IMPG1: variants seen among roughly 807,000 people sequenced by gnomAD.
The protein encoded by IMPG1 is interphotoreceptor matrix proteoglycan of 150 kDa.
In IMPG1, 85 loss-of-function variants were observed where a neutral mutation model predicts 92.0. The observed-to-expected ratio is 0.92, with a 90% CI of 0.78 to 1.11. The LOEUF (loss-of-function observed/expected upper bound fraction) is 1.11, where lower values mean the gene tolerates loss of function less well. Ranked by LOEUF, IMPG1 falls within the 50% of genes least tolerant of loss-of-function variation. IMPG1 has a pLI of 0.00. For missense variants in IMPG1, 1,022 were observed against 956.0 expected (o/e 1.07, Z -0.91); for synonymous variants, 367 against 334.1 (o/e 1.10, Z -1.08).
At chr6:75,961,773 C>G (rs1782215436) in intron 12 of IMPG1, among the ~76,000 whole-genome samples, 1 of 152,192 alleles carries the variant, frequency 6.6e-6, no homozygotes, top group East Asian at 1.9e-4. Flanking sequence ...GAGCAGCTAG[C>G]TGGGAGAACA....
intron 2 of IMPG1, 56 bp downstream of exon 2, chr6:76,041,837 T>C (rs1210439015): frequency 5.1e-6 from 6 of 1,178,368 alleles, no homozygotes; most frequent in South Asian, 5.0e-5. Flanking sequence ...TATGGATGAA[T>C]GAAAGGGAAG....
chr6:76,053,269 C>G (rs1021947596), intron 1 of IMPG1, among the ~76,000 whole-genome samples: 1 of 152,176 alleles, frequency 6.6e-6, no homozygotes, highest in Non-Finnish European at 1.5e-5. Context: ...GTGAGCAACA[C>G]TATGCTTTCC....
At chr6:76,029,620 A>G (rs570265253) in intron 4 of IMPG1, among the ~76,000 whole-genome samples, 1 of 152,290 alleles carries the variant, frequency 6.6e-6, no homozygotes, top group South Asian at 2.1e-4. Flanking sequence ...AACAAGAGGG[A>G]TGGGTAATGT....
intron 14 of IMPG1, among the ~76,000 whole-genome samples, chr6:75,945,412 G>A (rs1196271845): frequency 1.3e-5 from 2 of 149,974 alleles, no homozygotes; most frequent in African/African-American, 2.5e-5. Flanking sequence ...TGCAGTGGGG[G>A]CAATTTTATC....
rs145955265 is a variant in IMPG1 at position 75,947,352 on chromosome 6, T to C, written c.2006A>G (p.His669Arg). Reference protein sequence around the residue: ...DFRSAAAQQLHLEIDSYSLNI... With the variant: ...DFRSAAAQQLRLEIDSYSLNI... Reference sequence around the variant, plus strand: ...GAGAGAGTAGCTGTCTATTTCCAGATGGAGTTGTTGGGCTGCAGCAGAACG... The same window carrying C: ...GAGAGAGTAGCTGTCTATTTCCAGACGGAGTTGTTGGGCTGCAGCAGAACG... The change falls in exon 14 of 17, where the codon CAT becomes CGT. Residue 669 changes from histidine (H) to arginine (R), a missense_variant. His to Arg is a conservative substitution (Grantham distance 29). Around this residue, in one of 3 missense-constraint regions of IMPG1, gnomAD observed 332 missense variants for 346.2 expected, o/e 0.96. Coordinates refer to ENST00000369950, the MANE Select transcript of IMPG1 (RefSeq NM_001563.4). 6.2e-7 allele frequency: 1 copy of C among 1,613,840 alleles called. No individual in the cohort carries two copies. Among genetic ancestry groups the C allele is most frequent in the Non-Finnish European group, 8.5e-7 (1 of 1,179,890 alleles).
intron 12 of IMPG1, among the ~76,000 whole-genome samples, chr6:75,962,741 G>C (rs1299209196): frequency 6.6e-6 from 1 of 152,122 alleles, no homozygotes; most frequent in East Asian, 1.9e-4. Flanking sequence ...AAAACTAAGT[G>C]AATAATAATA....
chr6:75,989,956 G>A (rs1328314971), intron 12 of IMPG1, among the ~76,000 whole-genome samples: 1 of 152,094 alleles, frequency 6.6e-6, no homozygotes, highest in Non-Finnish European at 1.5e-5. Flanking sequence ...GTAGTAATAA[G>A]TTTACTATAT....
Position 75,992,040 on chromosome 6 carries a change from G to A in IMPG1, c.1291+10878C>T, listed in dbSNP as rs551144354. On this transcript the variant is annotated intron_variant, in intron 12 of 16. Coordinates refer to ENST00000369950, the MANE Select transcript of IMPG1 (RefSeq NM_001563.4). The stretch of plus-strand genomic sequence containing the variant: ...TAACATTTAAATCAGTGGACTCTGA[G>A]TAAAGCAGATTACCCTACATAGTGT... Among the ~76,000 whole-genome samples the A allele has an allele frequency of 3.3e-5, 5 of 152,310 alleles. No individual in the cohort carries two copies. The East Asian group carries it at 9.6e-4, about 29-fold the overall frequency.
chr6:75,954,928 T>C (rs923887046), intron 12 of IMPG1, among the ~76,000 whole-genome samples: 3 of 152,198 alleles, frequency 2.0e-5, no homozygotes, highest in African/African-American at 7.2e-5. Context: ...ATTGTAGATG[T>C]GTGGCATTAT....
chr6:76,006,797 C>T (rs1783106905), intron 9 of IMPG1, among the ~76,000 whole-genome samples: 1 of 151,928 alleles, frequency 6.6e-6, no homozygotes, highest in Non-Finnish European at 1.5e-5. Flanking sequence ...AGCTTTTTTG[C>T]ATGCAAAAAT....
intron 6 of IMPG1, among the ~76,000 whole-genome samples, chr6:76,021,737 A>C (rs1413879570): frequency 7.7e-6 from 1 of 129,750 alleles, no homozygotes; most frequent in East Asian, 2.4e-4. Flanking sequence ...AAAGAGCTTC[A>C]TGATTGATTG....
chr6:76,040,276 T>C (rs1582124006), intron 2 of IMPG1, among the ~76,000 whole-genome samples: 1 of 152,186 alleles, frequency 6.6e-6, no homozygotes, highest in African/African-American at 2.4e-5. Flanking sequence ...AAAAATTTTG[T>C]TGCAGCAATA....
At chr6:75,994,844 T>C (rs2149474361) in intron 12 of IMPG1, among the ~76,000 whole-genome samples, 1 of 152,252 alleles carries the variant, frequency 6.6e-6, no homozygotes, top group South Asian at 2.1e-4. Flanking sequence ...GGATGTGAGC[T>C]AACAAAAAAG....
chr6:76,014,336 A>G (rs1783245664), intron 7 of IMPG1, among the ~76,000 whole-genome samples: 1 of 152,186 alleles, frequency 6.6e-6, no homozygotes, highest in Non-Finnish European at 1.5e-5. Context: ...TCATTTTTGA[A>G]ACTCAGAGGG....
intron 12 of IMPG1, among the ~76,000 whole-genome samples, chr6:75,997,225 A>G (rs1411732543): frequency 6.6e-6 from 1 of 152,176 alleles, no homozygotes; most frequent in African/African-American, 2.4e-5. Flanking sequence ...GACCTCTCTG[A>G]ATAATTTTTA....
At chr6:76,034,450 C>T in intron 3 of IMPG1, 107 bp from the exon 4 acceptor site, 1 of 1,232,600 alleles carries the variant, frequency 8.1e-7, no homozygotes, top group South Asian at 1.3e-5. Context: ...TTCAACCTGA[C>T]TGTACCATAT....
At position 76,042,110 on chromosome 6, in the gene IMPG1, T is replaced by C; in HGVS notation, c.84A>G (p.Ile28Met). Residue 28 changes from isoleucine (I) to methionine (M), a missense_variant, in exon 2 of 17, where the codon ATA becomes ATG. By Grantham distance (10) the Ile-to-Met change is conservative. Transcript: ENST00000369950. Reference sequence around the variant, plus strand: ...CTATGTCTTTAGTTTCAGAATGGTATATGTTAATGGAGATATCTGTAAAAG... The same window carrying C: ...CTATGTCTTTAGTTTCAGAATGGTACATGTTAATGGAGATATCTGTAAAAG... ...VQGTKDISIN[I>M]YHSETKDIDN... is the part of the protein sequence containing the mutation. The C allele has an allele frequency of 6.5e-7, 1 of 1,548,942 alleles. No individual in the cohort carries two copies. The highest frequency in any genetic ancestry group is 1.4e-5 in the African/African-American group (1 of 73,720).
chr6:76,050,878 T>TC, intron 1 of IMPG1, among the ~76,000 whole-genome samples: 1 of 152,296 alleles, frequency 6.6e-6, no homozygotes, highest in South Asian at 2.1e-4. Flanking sequence ...GATAAGAGAA[T>TC]CAGGCTTTCA....
Position 75,938,744 on chromosome 6 carries a change from C to T in IMPG1, c.2045-7593G>A, listed in dbSNP as rs146412987. 4.0e-3 allele frequency among the ~76,000 whole-genome samples: 608 copies of T among 152,104 alleles called. 2 individuals are homozygous for T. The highest frequency in any genetic ancestry group is 0.014 in the Middle Eastern group (4 of 294). On this transcript the variant is annotated intron_variant, in intron 14 of 16. Transcript: ENST00000369950. ...AGGAGAATCACTGGAACCCGGGAGG[C>T]GGAGATTGCAGTGAGCTGGGATCGC... is the stretch of plus-strand genomic sequence containing the variant.
Sources: allele counts gnomAD v4.1 joint callset (sites outside exome capture counted in the v4.1 genomes callset), GRCh38; gene constraint gnomAD v4.1.1; regional missense constraint gnomAD v4.1.1; transcripts MANE v1.5; gene names NCBI Gene and HGNC (gene_info 2026-07-23, HGNC 2026-07-21).